Variants in LRRTM4 observed in about 807,000 individuals in gnomAD.
LRRTM4 encodes leucine rich repeat transmembrane neuronal 4, also known as leucine-rich repeat transmembrane neuronal protein 4.
Under a neutral mutation model 47.6 loss-of-function variants are expected in LRRTM4, and 25 were observed. The ratio of observed to expected loss-of-function variants is 0.53; its 90% CI spans 0.38 to 0.73. The LOEUF is 0.73. Ranked by LOEUF, LRRTM4 falls within the 30% of genes least tolerant of loss-of-function variation. LRRTM4 has a pLI of 0.00. For synonymous variants in LRRTM4, 311 were observed against 269.5 expected (o/e 1.15, Z -1.51); for missense variants, 638 against 713.4 (o/e 0.89, Z 1.20).
intron 3 of LRRTM4, among the ~76,000 whole-genome samples, chr2:77,477,947 GAAA>G (rs1677497574): frequency 1.7e-5 from 2 of 121,092 alleles, no homozygotes; most frequent in South Asian, 2.9e-4. Context: ...AAGAAAGAAA[GAAA>G]GAAAGAAAGA....
chr2:76,933,193 T>C (rs1490713287), intron 3 of LRRTM4, among the ~76,000 whole-genome samples: 1 of 152,120 alleles, frequency 6.6e-6, no homozygotes, highest in Non-Finnish European at 1.5e-5. Context: ...TTCATCTGAA[T>C]TTCATGTCAA....
intron 3 of LRRTM4, among the ~76,000 whole-genome samples, chr2:77,196,054 C>T (rs1673817202): frequency 6.6e-6 from 1 of 152,082 alleles, no homozygotes; most frequent in South Asian, 2.1e-4. Context: ...AAATATATTA[C>T]CTTGGAAGAA....
rs1238886375 is a variant in LRRTM4 at position 76,798,345 on chromosome 2, T to C, written c.1552-49429A>G. Among the ~76,000 whole-genome samples, 8 of 152,122 alleles carry C rather than the reference T, an allele frequency of 5.3e-5. 1 individual carries two copies. The South Asian group carries it at 1.5e-3, about 28-fold the overall frequency. On this transcript the variant is annotated intron_variant, in intron 3 of 3. Transcript: ENST00000409884. ...GGAAACTGAACAACCTGCTCCTGAA[T>C]GACTACTGGGTACATAACGAAATGA... is the stretch of plus-strand genomic sequence containing the variant.
chr2:76,960,871 C>A (rs915477883), intron 3 of LRRTM4, among the ~76,000 whole-genome samples: 1 of 151,378 alleles, frequency 6.6e-6, no homozygotes, highest in African/African-American at 2.4e-5. Context: ...ATTTTTGGCA[C>A]ATTTTAAAAA....
chr2:76,902,490 C>T (rs759490244), intron 3 of LRRTM4, among the ~76,000 whole-genome samples: 3 of 152,028 alleles, frequency 2.0e-5, no homozygotes, highest in Non-Finnish European at 4.4e-5. Flanking sequence ...AGGAAAAGAA[C>T]GTGAGCCATG....
intron 3 of LRRTM4, among the ~76,000 whole-genome samples, chr2:77,087,381 C>T (rs1680753710): frequency 6.6e-6 from 1 of 152,204 alleles, no homozygotes; most frequent in South Asian, 2.1e-4. Flanking sequence ...ACAGGCTGCT[C>T]TCAGCAGTTA....
intron 3 of LRRTM4, among the ~76,000 whole-genome samples, chr2:77,471,432 C>T (rs1215755224): frequency 3.9e-5 from 6 of 152,120 alleles, no homozygotes; most frequent in African/African-American, 1.4e-4. Context: ...AGCACCCTTC[C>T]ATCTATTCTT....
At chr2:76,833,908 C>T (rs1285586901) in intron 3 of LRRTM4, among the ~76,000 whole-genome samples, 1 of 151,488 alleles carries the variant, frequency 6.6e-6, no homozygotes, top group African/African-American at 2.4e-5. Context: ...TTCCCTTTTC[C>T]CTAATGCCAT....
chr2:76,835,067 G>C lies in LRRTM4; in HGVS notation c.1552-86151C>G, dbSNP rs569327138. On this transcript the variant is annotated intron_variant, in intron 3 of 3. Transcript: ENST00000409884. ...ACCAATAGCATCCGAACATTTGAAA[G>C]AATCATTCTTTTGTTTCTAATTTAT... is the stretch of plus-strand genomic sequence containing the variant. Among the ~76,000 whole-genome samples the C allele has an allele frequency of 5.9e-5, 9 of 152,174 alleles. No homozygotes were observed. In the South Asian group the frequency reaches 1.0e-3, roughly 18 times the overall value.
intron 3 of LRRTM4, among the ~76,000 whole-genome samples, chr2:77,459,528 T>C (rs1676695290): frequency 6.6e-6 from 1 of 152,072 alleles, no homozygotes; most frequent in Non-Finnish European, 1.5e-5. Flanking sequence ...ATTATATCTC[T>C]GCACAGATCC....
intron 3 of LRRTM4, among the ~76,000 whole-genome samples, chr2:77,288,139 G>C (rs1676715316): frequency 6.6e-6 from 1 of 151,780 alleles, no homozygotes; most frequent in Non-Finnish European, 1.5e-5. Flanking sequence ...ACAGAAAACT[G>C]ACTTACCAAA....
chr2:76,960,516 C>A (rs1007502623), intron 3 of LRRTM4, among the ~76,000 whole-genome samples: 1 of 151,494 alleles, frequency 6.6e-6, no homozygotes, highest in Non-Finnish European at 1.5e-5. Flanking sequence ...TTTGAAAAAA[C>A]AGAAACTGTG....
intron 3 of LRRTM4, among the ~76,000 whole-genome samples, chr2:76,910,897 G>A (rs1674030681): frequency 6.6e-6 from 1 of 152,094 alleles, no homozygotes; most frequent in Admixed American, 6.5e-5. Flanking sequence ...GTACTAAATA[G>A]CAGTAGAAAA....
chr2:77,373,212 A>AT (rs1672716526), intron 3 of LRRTM4, among the ~76,000 whole-genome samples: 1 of 150,890 alleles, frequency 6.6e-6, no homozygotes, highest in South Asian at 2.1e-4. Flanking sequence ...ATTTCAATTG[A>AT]TAGGCAACTT....
intron 3 of LRRTM4, among the ~76,000 whole-genome samples, chr2:77,019,848 G>GTAA (rs1220330664): frequency 6.6e-6 from 1 of 151,980 alleles, no homozygotes; most frequent in East Asian, 1.9e-4. Flanking sequence ...TTAGTACTGG[G>GTAA]TAATGGGAAA....
chr2:77,169,437 G>A (rs1672983848), intron 3 of LRRTM4, among the ~76,000 whole-genome samples: 1 of 152,014 alleles, frequency 6.6e-6, no homozygotes, highest in African/African-American at 2.4e-5. Flanking sequence ...TTCCTGCTAT[G>A]GTTTGAATGT....
intron 3 of LRRTM4, among the ~76,000 whole-genome samples, chr2:77,018,389 G>T (rs560299956): frequency 4.6e-5 from 7 of 151,398 alleles, no homozygotes; most frequent in African/African-American, 1.7e-4. Flanking sequence ...TAATGGCTGG[G>T]ATTTTCTCAT....
intron 3 of LRRTM4, among the ~76,000 whole-genome samples, chr2:77,456,568 T>G (rs745326750): frequency 1.4e-4 from 21 of 152,118 alleles, no homozygotes; most frequent in Non-Finnish European, 2.1e-4. Flanking sequence ...CTCTCTCCAT[T>G]AGTATTACTC....
chr2:76,796,105 G>A (rs980106246), intron 3 of LRRTM4, among the ~76,000 whole-genome samples: 1 of 138,416 alleles, frequency 7.2e-6, no homozygotes, highest in African/African-American at 2.7e-5. Flanking sequence ...GCGCTTTTCA[G>A]ACAGGCTTAA....
Sources: allele counts gnomAD v4.1 joint callset (sites outside exome capture counted in the v4.1 genomes callset), GRCh38; gene constraint gnomAD v4.1.1; transcripts MANE v1.5; gene names NCBI Gene and HGNC (gene_info 2026-07-23, HGNC 2026-07-21).